AFG2A: variants seen among roughly 807,000 people sequenced by gnomAD.
AFG2A encodes ATPase family gene 2 protein homolog A.
the AFG2A span, chr4:123,056,526 A>G: frequency 4.4e-6 from 5 of 1,141,062 alleles, no homozygotes; most frequent in Non-Finnish European, 4.8e-6. Context: ...TAGGTAACAG[A>G]CTTTGGCATT....
the AFG2A span, chr4:122,934,568 TTTC>T: frequency 6.2e-7 from 1 of 1,613,872 alleles, no homozygotes; most frequent in Middle Eastern, 1.7e-4. Context: ...TTTTATTTTA[TTTC>T]TTCAACAACA....
chr4:123,299,666 T>C, the AFG2A span, among the ~76,000 whole-genome samples: 18 of 152,220 alleles, frequency 1.2e-4, no homozygotes, highest in African/African-American at 4.3e-4. Flanking sequence ...TTTGTTTGTT[T>C]GATGGTTGGA....
chr4:123,085,973 AT>A, the AFG2A span, among the ~76,000 whole-genome samples: 6 of 152,092 alleles, frequency 3.9e-5, no homozygotes, highest in Non-Finnish European at 7.4e-5. Flanking sequence ...AATAAAAAAA[AT>A]TCCTAAGTTA....
chr4:123,144,417 T>C, the AFG2A span, among the ~76,000 whole-genome samples: 4 of 152,114 alleles, frequency 2.6e-5, no homozygotes, highest in Non-Finnish European at 5.9e-5. Context: ...TGGGCTTTCC[T>C]TGGCTTTTGT....
chr4:123,170,067 C>G, the AFG2A span, among the ~76,000 whole-genome samples: 7 of 152,164 alleles, frequency 4.6e-5, no homozygotes, highest in African/African-American at 1.7e-4. Flanking sequence ...TTAGTAGTTA[C>G]AAGTAGAGCT....
chr4:123,279,870 A>T, the AFG2A span, among the ~76,000 whole-genome samples: 4 of 152,350 alleles, frequency 2.6e-5, no homozygotes, highest in South Asian at 6.2e-4. Context: ...ACTAGAAAGC[A>T]ATATTTTTTA....
At chr4:123,031,155 G>A in the AFG2A span, among the ~76,000 whole-genome samples, 1 of 152,070 alleles carries the variant, frequency 6.6e-6, no homozygotes, top group South Asian at 2.1e-4. Flanking sequence ...TTCATACTCT[G>A]TTCTCTTTTT....
chr4:123,026,133 G>A, the AFG2A span, among the ~76,000 whole-genome samples: 4 of 149,458 alleles, frequency 2.7e-5, no homozygotes, highest in Non-Finnish European at 4.4e-5. Context: ...GTGTGTGTGT[G>A]TGTATGTGTG....
the AFG2A span, among the ~76,000 whole-genome samples, chr4:123,305,201 C>T: frequency 6.6e-6 from 1 of 152,144 alleles, no homozygotes; most frequent in Non-Finnish European, 1.5e-5. Context: ...GTTTAAGTCA[C>T]CTTCGGACCT....
At chr4:123,032,704 A>G in the AFG2A span, among the ~76,000 whole-genome samples, 1 of 152,210 alleles carries the variant, frequency 6.6e-6, no homozygotes, top group Non-Finnish European at 1.5e-5. Context: ...ATAAGCCACC[A>G]CGCCAGGCCC....
At chr4:123,135,359 C>G in the AFG2A span, among the ~76,000 whole-genome samples, 2 of 152,204 alleles carry the variant, frequency 1.3e-5, no homozygotes, top group African/African-American at 4.8e-5. Context: ...ATACAAGATG[C>G]TTACCTATTC....
the AFG2A span, among the ~76,000 whole-genome samples, chr4:123,100,491 C>G: frequency 5.3e-5 from 8 of 151,814 alleles, no homozygotes; most frequent in Non-Finnish European, 1.0e-4. Flanking sequence ...CTAAAGCATT[C>G]TCATCTTTTT....
the AFG2A span, among the ~76,000 whole-genome samples, chr4:123,244,613 CTT>C: frequency 6.6e-6 from 1 of 152,232 alleles, no homozygotes; most frequent in Non-Finnish European, 1.5e-5. Flanking sequence ...GAAAAGAAGA[CTT>C]TGAGTCAACA....
At chr4:123,252,230 G>A in the AFG2A span, among the ~76,000 whole-genome samples, 3 of 151,972 alleles carry the variant, frequency 2.0e-5, no homozygotes, top group East Asian at 1.9e-4. Flanking sequence ...ACATTCACTC[G>A]AGTATTTTAT....
the AFG2A span, among the ~76,000 whole-genome samples, chr4:123,273,247 A>G: frequency 6.6e-6 from 1 of 152,172 alleles, no homozygotes; most frequent in East Asian, 1.9e-4. Context: ...GTTTTACTGT[A>G]CATTATGCGT....
the AFG2A span, among the ~76,000 whole-genome samples, chr4:123,297,223 T>G: frequency 6.6e-6 from 1 of 152,350 alleles, no homozygotes; most frequent in East Asian, 1.9e-4. Flanking sequence ...TTTCTAACTT[T>G]GACCATAATC....
chr4:123,210,169 T>C, the AFG2A span, among the ~76,000 whole-genome samples: 21 of 152,238 alleles, frequency 1.4e-4, no homozygotes, highest in Non-Finnish European at 2.6e-4. Context: ...TTAGAATGGC[T>C]AAATCAAGCT....
chr4:122,997,057 C>T, the AFG2A span, among the ~76,000 whole-genome samples: 134 of 152,238 alleles, frequency 8.8e-4, no homozygotes, highest in African/African-American at 3.0e-3. Context: ...CAGATACACC[C>T]AGAAATAATG....
At chr4:123,211,847 A>T in the AFG2A span, among the ~76,000 whole-genome samples, 1 of 152,270 alleles carries the variant, frequency 6.6e-6, no homozygotes, top group South Asian at 2.1e-4. Flanking sequence ...GCGAAGACAT[A>T]TATTTGTGAC....
Sources: gnomAD v4.1 joint callset for allele counts (sites outside exome capture counted in the v4.1 genomes callset) on GRCh38, gnomAD v4.1.1 for gene constraint, MANE v1.5 for transcripts, NCBI Gene and HGNC (gene_info 2026-07-23, HGNC 2026-07-21) for gene names.